COL21A1: variants seen among roughly 807,000 people sequenced by gnomAD.
COL21A1 encodes the protein collagen alpha-1(XXI) chain.
COL21A1 carries 149 observed loss-of-function variants against 137.9 expected under a neutral mutation model. The ratio of observed to expected loss-of-function variants is 1.08; its 90% CI spans 0.95 to 1.24. The LOEUF (loss-of-function observed/expected upper bound fraction) is 1.24, where lower values mean the gene tolerates loss of function less well. Ranked by LOEUF, COL21A1 falls within the 50% of genes most tolerant of loss-of-function variation. The pLI is 0.00. For missense variants in COL21A1, 1,167 were observed against 1,158.4 expected (o/e 1.01, Z -0.11); for synonymous variants, 456 against 391.5 (o/e 1.16, Z -1.95).
intron 1 of COL21A1, chr6:56,276,852 A>C: frequency 1.6e-6 from 1 of 636,946 alleles, no homozygotes; most frequent in South Asian, 1.9e-5. Context: ...TCTGTCGCCC[A>C]GGCTGGAGTG....
chr6:56,171,184 G>A (rs1777018776), intron 3 of COL21A1, 56 bp from the exon 4 acceptor site: 2 of 1,251,088 alleles, frequency 1.6e-6, no homozygotes, highest in African/African-American at 3.0e-5. Context: ...AACAATAAAA[G>A]AAAAATCAAG....
intron 12 of COL21A1, among the ~76,000 whole-genome samples, chr6:56,130,626 G>T (rs1173839891): frequency 6.6e-6 from 1 of 151,608 alleles, no homozygotes; most frequent in Non-Finnish European, 1.5e-5. Context: ...GATGAAGTAG[G>T]AAGACTAGGA....
At chr6:56,097,997 A>ATG (rs1769659314) in intron 17 of COL21A1, among the ~76,000 whole-genome samples, 1 of 2,128 alleles carries the variant, frequency 4.7e-4, no homozygotes, top group East Asian at 0.01. Flanking sequence ...ATATATGTAA[A>ATG]TATATAAATA....
At position 56,375,421 on chromosome 6, in the gene COL21A1, TCTGAGATTATTTTCC is replaced by T. The variant is rs545545094; in HGVS notation, c.-39+18535_-39+18549del. Among the ~76,000 whole-genome samples, 251 of 152,128 alleles carry T rather than the reference TCTGAGATTATTTTCC, an allele frequency of 1.6e-3. 3 individuals are homozygous for T. The highest frequency in any genetic ancestry group is 2.2e-3 in the Non-Finnish European group (147 of 67,986). ...GGAAGAAGGATAGGAGGAAAGTGAG[TCTGAGATTATTTTCC>T]CTGCCTCCTTCCTGGCCAGATGACA... On this transcript the variant is annotated intron_variant, in intron 1 of 28. Transcript: ENST00000370819.
At chr6:56,340,571 T>C (rs2152345118) in intron 1 of COL21A1, among the ~76,000 whole-genome samples, 1 of 152,288 alleles carries the variant, frequency 6.6e-6, no homozygotes, top group South Asian at 2.1e-4. Flanking sequence ...ATTTCATATA[T>C]AATTATTTGA....
At chr6:56,223,237 T>C (rs1444337055) in intron 1 of COL21A1, among the ~76,000 whole-genome samples, 1 of 152,060 alleles carries the variant, frequency 6.6e-6, no homozygotes, top group Non-Finnish European at 1.5e-5. Flanking sequence ...AGCATGTTAT[T>C]TTTTTAATAT....
intron 1 of COL21A1, among the ~76,000 whole-genome samples, chr6:56,185,869 C>A (rs1292021989): frequency 6.6e-6 from 1 of 152,016 alleles, no homozygotes; most frequent in Non-Finnish European, 1.5e-5. Context: ...TTTCTTCCAA[C>A]AATTTCTACA....
intron 1 of COL21A1, among the ~76,000 whole-genome samples, chr6:56,216,822 T>C (rs539795962): frequency 3.2e-4 from 49 of 152,206 alleles, no homozygotes; most frequent in African/African-American, 1.2e-3. Context: ...CAATGAAAAA[T>C]CTTATGAGAT....
intron 18 of COL21A1, among the ~76,000 whole-genome samples, chr6:56,077,217 G>A (rs1019083112): frequency 6.6e-6 from 1 of 151,128 alleles, no homozygotes; most frequent in Non-Finnish European, 1.5e-5. Flanking sequence ...GTACTAAAAA[G>A]ACATTCAAAA....
At chr6:56,155,196 G>A (rs1007991398) in intron 10 of COL21A1, among the ~76,000 whole-genome samples, 9 of 152,152 alleles carry the variant, frequency 5.9e-5, no homozygotes, top group Non-Finnish European at 1.0e-4. Context: ...AGTTTGCTAA[G>A]GATAATTAAC....
At chr6:56,072,403 TTATAA>T (rs1214257391) in intron 20 of COL21A1, among the ~76,000 whole-genome samples, 6 of 151,624 alleles carry the variant, frequency 4.0e-5, no homozygotes, top group East Asian at 3.9e-4. Flanking sequence ...TTTTTAAGTA[TTATAA>T]TATAAATTAG....
At chr6:56,219,706 G>A (rs1780711180) in intron 1 of COL21A1, among the ~76,000 whole-genome samples, 2 of 151,996 alleles carry the variant, frequency 1.3e-5, no homozygotes, top group South Asian at 2.1e-4. Context: ...ATTATCATTC[G>A]TGATATCATC....
intron 17 of COL21A1, among the ~76,000 whole-genome samples, chr6:56,091,938 C>G (rs935308576): frequency 1.3e-5 from 2 of 152,092 alleles, no homozygotes; most frequent in Non-Finnish European, 2.9e-5. Flanking sequence ...CACCATCCAC[C>G]TAGCTGCCCA....
At chr6:56,393,471 GACAACCAAAGCACAA>G (rs2094034013) in intron 1 of COL21A1, among the ~76,000 whole-genome samples, 1 of 152,156 alleles carries the variant, frequency 6.6e-6, no homozygotes, top group Non-Finnish European at 1.5e-5. Context: ...CAAAAGCACA[GACAACCAAAGCACAA>G]ATGGATAAAT....
chr6:56,242,406 A>T (rs1782382460), intron 1 of COL21A1, among the ~76,000 whole-genome samples: 1 of 152,172 alleles, frequency 6.6e-6, no homozygotes, highest in Admixed American at 6.5e-5. Context: ...ACTTTGAATT[A>T]AAAAAATCTC....
intron 10 of COL21A1, among the ~76,000 whole-genome samples, chr6:56,143,351 C>T (rs77597453): frequency 0.017 from 2,598 of 151,964 alleles, 71 homozygotes; most frequent in African/African-American, 0.06. Flanking sequence ...CAGGCGTCCA[C>T]CACCACACCC....
chr6:56,170,676 C>T lies in COL21A1; in HGVS notation c.999G>A (p.Val333=). The T allele has an allele frequency of 6.3e-7, 1 of 1,599,674 alleles. No individual in the cohort carries two copies. The highest frequency in any genetic ancestry group is 8.5e-7 in the Non-Finnish European group (1 of 1,171,434). ...TAACTTGAGGGTTAGCAAAGGTAAC[C>T]ACTTGTGAGCCATTAATTACGCTGG... ...TTTSVINGSQ[V]VTFANPQVKT... is the part of the protein sequence containing the mutation. The change falls in exon 5 of 30, where the codon GTG becomes GTA. Residue 333 remains valine (V), a synonymous_variant. Coordinates refer to ENST00000244728, the MANE Select transcript of COL21A1 (RefSeq NM_030820.4).
intron 1 of COL21A1, among the ~76,000 whole-genome samples, chr6:56,383,212 T>A (rs1012994475): frequency 6.6e-6 from 1 of 152,196 alleles, no homozygotes; most frequent in East Asian, 1.9e-4. Flanking sequence ...TCCAGACAGC[T>A]GCCTTCTCCT....
At chr6:56,324,648 T>C (rs2152341988) in intron 1 of COL21A1, among the ~76,000 whole-genome samples, 1 of 152,154 alleles carries the variant, frequency 6.6e-6, no homozygotes, top group East Asian at 1.9e-4. Context: ...CCAGATGTTC[T>C]ACCTCATCTG....
Sources: gnomAD v4.1 joint callset for allele counts (sites outside exome capture counted in the v4.1 genomes callset) on GRCh38, gnomAD v4.1.1 for gene constraint, MANE v1.5 for transcripts, NCBI Gene and HGNC (gene_info 2026-07-23, HGNC 2026-07-21) for gene names.